MCF2L: variants seen among roughly 807,000 people sequenced by gnomAD.
MCF2L encodes MCF.2 cell line derived transforming sequence like, also known as guanine nucleotide exchange factor DBS.
Under a neutral mutation model 153.4 loss-of-function variants are expected in MCF2L, and 97 were observed. The ratio of observed to expected loss-of-function variants is 0.63; its 90% CI spans 0.54 to 0.75. The LOEUF (loss-of-function observed/expected upper bound fraction) is 0.75, where lower values mean the gene tolerates loss of function less well. Ranked by LOEUF, MCF2L falls within the 30% of genes least tolerant of loss-of-function variation. The pLI is 0.00. For synonymous variants in MCF2L, 659 were observed against 632.2 expected (o/e 1.04, Z -0.64); for missense variants, 1,347 against 1,495.2 (o/e 0.90, Z 1.64).
chr13:113,090,298 A>C, intron 26 of MCF2L: 1 of 1,258,256 alleles, frequency 7.9e-7, no homozygotes, highest in Non-Finnish European at 1.0e-6. Context: ...GTGTTCCCTG[A>C]TGCTGTGTCT....
At chr13:112,953,379 C>T (rs7338432) in intron 2 of MCF2L, among the ~76,000 whole-genome samples, 56,462 of 152,096 alleles carry the variant, frequency 0.37, 11,577 homozygotes, top group South Asian at 0.48. Context: ...GACAACAGCA[C>T]AGCTGCGGGG....
At position 113,045,762 on chromosome 13, in the gene MCF2L, C is replaced by A; in HGVS notation, c.369+401C>A. ...CACTGAACGAGCCACCACCGCCTCC[C>A]TTCCCCAGTGGGATTGAACATGCAC... On this transcript the variant is annotated intron_variant, in intron 4 of 29. Coordinates refer to ENST00000535094, the MANE Select transcript of MCF2L (RefSeq NM_001112732.3). This position sits in a 1 kb window ranked among gnomAD's most constrained non-coding sequence, Gnocchi z 4.2. 4.1e-6 allele frequency: 1 copy of A among 246,762 alleles called. No homozygotes were observed. Among genetic ancestry groups the A allele is most frequent in the Non-Finnish European group, 8.1e-6 (1 of 123,562 alleles). The allele number at this position is 246,762 out of a possible 1,614,324, so 15.3% of individuals were successfully genotyped here.
At chr13:112,988,236 T>A (rs1217513789) in intron 1 of MCF2L, among the ~76,000 whole-genome samples, 2 of 151,328 alleles carry the variant, frequency 1.3e-5, no homozygotes, top group Admixed American at 6.6e-5. Flanking sequence ...CCTCGTCTAC[T>A]GTGTTTTTTT....
At chr13:113,026,144 C>T (rs962425371) in intron 3 of MCF2L, among the ~76,000 whole-genome samples, 13 of 95,662 alleles carry the variant, frequency 1.4e-4, no homozygotes, top group South Asian at 1.3e-3. Context: ...GACTGTGGGT[C>T]GGGGCAGAGT....
Position 112,969,427 on chromosome 13 carries a change from G to T in MCF2L, c.48G>T (p.Val16=), listed in dbSNP as rs1240620909. The change falls in exon 1 of 30, where the codon GTG becomes GTT. Residue 16 remains valine, a synonymous_variant. Transcript: ENST00000535094. The surrounding 1 kb of genome is among the most constrained non-coding windows in gnomAD (Gnocchi z 4.8). ...AAGAGATGGCCTTGGAAGAAATGGT[G>T]CAGAGATTAAATGCGGTTTCCAAGC... ...RTEEMALEEM[V]QRLNAVSKHT... The T allele has an allele frequency of 3.9e-6, 6 of 1,550,466 alleles. No individual in the cohort carries two copies. In the Admixed American group the frequency reaches 1.2e-4, roughly 30 times the overall value.
intron 15 of MCF2L, among the ~76,000 whole-genome samples, chr13:113,080,562 C>G (rs1228240344): frequency 6.6e-6 from 1 of 152,216 alleles, no homozygotes; most frequent in Non-Finnish European, 1.5e-5. Context: ...CAGGCAGGGC[C>G]GTAGGCTGCT....
At chr13:112,894,805 A>G (rs1594286752) in intron 1 of MCF2L, among the ~76,000 whole-genome samples, 1 of 152,086 alleles carries the variant, frequency 6.6e-6, no homozygotes, top group East Asian at 1.9e-4. Context: ...ACCTCGTAGG[A>G]CCACCCCGGG....
chr13:112,921,361 T>C (rs571908997), intron 2 of MCF2L, among the ~76,000 whole-genome samples: 1 of 152,274 alleles, frequency 6.6e-6, no homozygotes, highest in South Asian at 2.1e-4. Context: ...TAAAGACGCC[T>C]CCATTGATAA....
At chr13:112,921,428 G>A (rs2081352084) in intron 2 of MCF2L, among the ~76,000 whole-genome samples, 1 of 152,156 alleles carries the variant, frequency 6.6e-6, no homozygotes, top group Non-Finnish European at 1.5e-5. Context: ...ATCCAGGAGT[G>A]CAGCAATAAC....
chr13:113,081,909 T>G (rs2034176420), intron 16 of MCF2L, among the ~76,000 whole-genome samples: 1 of 151,436 alleles, frequency 6.6e-6, no homozygotes, highest in Non-Finnish European at 1.5e-5. Flanking sequence ...TGTTGACAGG[T>G]GTCTGATTCA....
chr13:113,026,791 A>G (rs2085337952), intron 3 of MCF2L: 1 of 605,290 alleles, frequency 1.7e-6, no homozygotes, highest in Admixed American at 3.0e-5. Flanking sequence ...CTCAGGCTGC[A>G]GTTTTTTGTT....
chr13:112,940,419 C>T (rs1001979658), intron 2 of MCF2L, among the ~76,000 whole-genome samples: 2 of 152,216 alleles, frequency 1.3e-5, no homozygotes, highest in Non-Finnish European at 2.9e-5. Context: ...GCCAGGCAAG[C>T]CAGATGGCCT....
intron 2 of MCF2L, among the ~76,000 whole-genome samples, chr13:113,019,730 C>A (rs1020524781): frequency 6.6e-6 from 1 of 152,256 alleles, no homozygotes; most frequent in Non-Finnish European, 1.5e-5. Context: ...GGAGGTGAGG[C>A]CTTTGGGAGG....
intron 7 of MCF2L, 146 bp downstream of exon 7, chr13:113,065,231 T>C: frequency 1.1e-6 from 1 of 898,074 alleles, no homozygotes; most frequent in South Asian, 1.6e-5. Context: ...GTCAGCAGGC[T>C]TGAGATGCCT....
intron 2 of MCF2L, chr13:112,917,364 C>G (rs772061896): frequency 2.8e-6 from 1 of 352,624 alleles, no homozygotes; most frequent in Non-Finnish European, 5.6e-6. Flanking sequence ...TCACTCATGC[C>G]CGTATCCGAC....
intron 2 of MCF2L, among the ~76,000 whole-genome samples, chr13:112,917,754 G>A (rs192449113): frequency 7.9e-5 from 12 of 152,328 alleles, no homozygotes; most frequent in Non-Finnish European, 7.3e-5. Context: ...GGTAGTTTGT[G>A]TGTTTGTAGG....
intron 8 of MCF2L, 81 bp from the exon 9 acceptor site, chr13:113,069,978 G>A (rs2032722746): frequency 1.1e-6 from 1 of 881,534 alleles, no homozygotes; most frequent in African/African-American, 1.7e-5. Flanking sequence ...TGAGCCTTGG[G>A]GTCGCTTGAA....
At chr13:113,050,481 A>C (rs766143385) in intron 4 of MCF2L, among the ~76,000 whole-genome samples, 24 of 151,294 alleles carry the variant, frequency 1.6e-4, no homozygotes, top group Non-Finnish European at 2.9e-4. Context: ...ACGCCGGTGC[A>C]GTCTGTGTGT....
intron 4 of MCF2L, among the ~76,000 whole-genome samples, chr13:113,051,924 G>A (rs1344055765): frequency 6.6e-6 from 1 of 152,148 alleles, no homozygotes; most frequent in Non-Finnish European, 1.5e-5. Flanking sequence ...CATTCATGAG[G>A]GTGGGGCCGT....
Sources: allele counts gnomAD v4.1 joint callset (sites outside exome capture counted in the v4.1 genomes callset), GRCh38; gene constraint gnomAD v4.1.1; non-coding constraint Gnocchi (gnomAD v3.1); transcripts MANE v1.5; gene names NCBI Gene and HGNC (gene_info 2026-07-23, HGNC 2026-07-21).